Variants in ALOX12B observed in about 807,000 individuals in gnomAD.
ALOX12B encodes the protein arachidonate 12-lipoxygenase, 12R-type.
In ALOX12B, 47 loss-of-function variants were observed where a neutral mutation model predicts 78.9. The observed-to-expected ratio is 0.60, with a 90% confidence interval of 0.47 to 0.76. The LOEUF is 0.76. Ranked by LOEUF, ALOX12B falls within the 30% of genes least tolerant of loss-of-function variation. ALOX12B has a pLI of 0.00. For missense variants in ALOX12B, 805 were observed against 922.6 expected (o/e 0.87, Z 1.65); for synonymous variants, 370 against 374.5 (o/e 0.99, Z 0.14).
In ALOX12B at chr17:8,080,410, C is replaced by A; in HGVS notation, c.651-72G>T. ...CGCCGGCTGGGGCAGGTGGCGGGGC[C>A]GCCCCATCCACTTAGGTCTCTGGGT... On this transcript the variant is annotated intron_variant, in intron 5 of 14. Transcript: ENST00000647874. The surrounding 1 kb of genome is among the most constrained non-coding windows in gnomAD (Gnocchi z 4.8). The A allele has an allele frequency of 1.3e-6, 2 of 1,537,490 alleles. No individual in the cohort carries two copies. The highest frequency in any genetic ancestry group is 1.8e-6 in the Non-Finnish European group (2 of 1,110,714).
chr17:8,086,636 A>G (rs1036065114), intron 1 of ALOX12B, among the ~76,000 whole-genome samples: 2 of 152,212 alleles, frequency 1.3e-5, no homozygotes, highest in Non-Finnish European at 2.9e-5. Context: ...CCACATAGAT[A>G]GAGTGACCTA....
In ALOX12B at chr17:8,080,941, A is replaced by C; in HGVS notation, c.470T>G (p.Val157Gly). ...RVFLPGLPSY[V>G]HIPSYRPPVR... is the part of the protein sequence containing the mutation. ...CGGAGGGCGGTAACTGGGAATGTGC[A>C]CATAGCTGGGCAGGCCAGGAAGAAA... The change falls in exon 4 of 15, where the codon GTG (valine) becomes GGG (glycine). Residue 157 changes from valine to glycine, a missense_variant. Transcript: ENST00000647874. This position sits in a 1 kb window ranked among gnomAD's most constrained non-coding sequence, Gnocchi z 4.8. 6.2e-7 allele frequency: 1 copy of C among 1,613,890 alleles called. No homozygotes were observed. The highest frequency in any genetic ancestry group is 8.5e-7 in the Non-Finnish European group (1 of 1,180,008).
At position 8,080,316 on chromosome 17, in the gene ALOX12B, C is replaced by T. The variant is rs780587561; in HGVS notation, c.673G>A (p.Gly225Ser). The T allele has an allele frequency of 2.5e-6, 4 of 1,614,184 alleles. No homozygotes were observed. The highest frequency in any genetic ancestry group is 3.3e-5 in the Admixed American group (2 of 60,028). The change falls in exon 6 of 15, where the codon GGC becomes AGC. Residue 225 changes from glycine to serine, a missense_variant. Gly to Ser is a moderately conservative substitution (Grantham distance 56). Transcript: ENST00000647874. This position sits in a 1 kb window ranked among gnomAD's most constrained non-coding sequence, Gnocchi z 4.8. ...CACGAATGTTTGCAGTCCAACAGGC[C>T]GCGGACTTTGAAAGCCAGTGCCCTA... ...GPMALAFKVRGLLDCKHSWKR... is the reference protein window; with the variant it reads ...GPMALAFKVRSLLDCKHSWKR...
chr17:8,078,525 CTT>C (rs1977137287), intron 8 of ALOX12B, among the ~76,000 whole-genome samples: 1 of 151,870 alleles, frequency 6.6e-6, no homozygotes, highest in African/African-American at 2.4e-5. Context: ...AGTCCCAGCA[CTT>C]TGGGAGGCTG....
intron 12 of ALOX12B, among the ~76,000 whole-genome samples, chr17:8,074,862 T>C (rs776347038): frequency 6.6e-6 from 1 of 152,208 alleles, no homozygotes; most frequent in Non-Finnish European, 1.5e-5. Context: ...ACTGCTCCCA[T>C]GCGGAACTCT....
At position 8,073,292 on chromosome 17, in the gene ALOX12B, G is replaced by T. The variant is rs765413716; in HGVS notation, c.1782C>A (p.Asn594Lys). ...GQMEFTAWMP[N>K]FPASMRNPPI... is the part of the protein sequence containing the mutation. ...GTGGATTCCGCATGGACGCTGGGAAGTTGGGCATCCAGGCGGTGAACTCCA... is the reference window on the plus strand; with the variant it reads ...GTGGATTCCGCATGGACGCTGGGAATTTGGGCATCCAGGCGGTGAACTCCA... Residue 594 changes from asparagine to lysine, a missense_variant, in exon 14 of 15, where the codon AAC becomes AAA. Coordinates refer to ENST00000647874, the MANE Select transcript of ALOX12B (RefSeq NM_001139.3). 6.8e-6 allele frequency: 11 copies of T among 1,614,108 alleles called. No individual in the cohort carries two copies. Among genetic ancestry groups the T allele is most frequent in the Non-Finnish European group, 7.6e-6 (9 of 1,180,054 alleles).
chr17:8,075,987 A>G (rs1977071971), intron 11 of ALOX12B, among the ~76,000 whole-genome samples, 188 bp downstream of exon 11: 1 of 152,140 alleles, frequency 6.6e-6, no homozygotes. Flanking sequence ...CTGGGGACCC[A>G]AGCAAGGAAG....
At chr17:8,081,050 C>G in intron 3 of ALOX12B, 56 bp downstream of exon 3, 2 of 1,612,610 alleles carry the variant, frequency 1.2e-6, no homozygotes, top group Non-Finnish European at 1.7e-6. Flanking sequence ...CCATCACTGC[C>G]CCCCACCTCC....
chr17:8,086,231 T>G lies in ALOX12B; in HGVS notation c.148-11A>C. 6.2e-7 allele frequency: 1 copy of G among 1,613,428 alleles called. No individual in the cohort carries two copies. The highest frequency in any genetic ancestry group is 8.5e-7 in the Non-Finnish European group (1 of 1,179,784). On this transcript the variant is annotated splice_polypyrimidine_tract_variant and intron_variant, in intron 1 of 14. Coordinates refer to ENST00000647874, the MANE Select transcript of ALOX12B (RefSeq NM_001139.3). ...GGTGTACTGGCCCACCTAGGCAGGA[T>G]GCAAGCCTGGCTGAGTGGGCAGGAC...
chr17:8,080,060 A>C lies in ALOX12B; in HGVS notation c.755-119T>G, dbSNP rs142227140. 2.8e-5 allele frequency: 42 copies of C among 1,513,740 alleles called. No individual in the cohort carries two copies. The Middle Eastern group carries it at 3.2e-3, about 117-fold the overall frequency. The allele number at this position is 1,513,740 out of a possible 1,614,324, so 93.8% of individuals were successfully genotyped here. A position where few individuals can be genotyped will look rare whatever the true frequency, so the allele number is the denominator to read the frequency against. ...AGTCGGGGAGGAAAACGAGGCCCCCAGCCTGGCGCTGAGCGGCCGGAGGAG... is the reference window on the plus strand; with the variant it reads ...AGTCGGGGAGGAAAACGAGGCCCCCCGCCTGGCGCTGAGCGGCCGGAGGAG... On this transcript the variant is annotated intron_variant, in intron 6 of 14. Coordinates refer to ENST00000647874, the MANE Select transcript of ALOX12B (RefSeq NM_001139.3). The surrounding 1 kb of genome is among the most constrained non-coding windows in gnomAD (Gnocchi z 4.8).
rs760407503 is a variant in ALOX12B, at chr17:8,076,332, C to A, written c.1375G>T (p.Gly459Cys). Residue 459 changes from glycine (G) to cysteine (C), a missense_variant, in exon 11 of 15, where the codon GGC (glycine) becomes TGC (cysteine). By Grantham distance (159) the Gly-to-Cys change is radical. Coordinates refer to ENST00000647874, the MANE Select transcript of ALOX12B (RefSeq NM_001139.3). ...ATCACCCCAGCAAAGCCTTCCACGC[C>A]CAGGGACATGCCCTGTGAGGAAGGA... is the stretch of plus-strand genomic sequence containing the variant. ...GGLSAKGMSL[G>C]VEGFAGVMVR... 4.4e-6 allele frequency: 7 copies of A among 1,604,874 alleles called. No individual in the cohort carries two copies. The highest frequency in any genetic ancestry group is 6.0e-6 in the Non-Finnish European group (7 of 1,175,578).
rs754900276 is a variant in ALOX12B at position 8,079,812 on chromosome 17, G to A, written c.884C>T (p.Ala295Val). ...DKFPVTDDMVAPFLGEGTCLQ... is the reference protein window; with the variant it reads ...DKFPVTDDMVVPFLGEGTCLQ... ...GCACGTTCCCTCGCCCAGGAACGGA[G>A]CCACCATGTCGTCTGTGACGGGGAA... is the stretch of plus-strand genomic sequence containing the variant. Residue 295 changes from alanine (A) to valine (V), a missense_variant, in exon 7 of 15, where the codon GCT (alanine) becomes GTT (valine). Coordinates refer to ENST00000647874, the MANE Select transcript of ALOX12B (RefSeq NM_001139.3). This position sits in a 1 kb window ranked among gnomAD's most constrained non-coding sequence, Gnocchi z 6.4. 6 of 1,613,348 alleles carry A rather than the reference G, an allele frequency of 3.7e-6. No homozygotes were observed. The South Asian group carries it at 5.5e-5, about 15-fold the overall frequency.
Position 8,076,748 on chromosome 17 carries a change from G to T in ALOX12B, c.1276-5C>A. The T allele has an allele frequency of 1.3e-6, 2 of 1,550,084 alleles. No individual in the cohort carries two copies. Among genetic ancestry groups the T allele is most frequent in the East Asian group, 4.9e-5 (2 of 40,926 alleles). ...TCGGGTATGGGGGATGAGGAGCTGT[G>T]GGGAGAGCAAGGAGGATGAAGAGAG... On this transcript the variant is annotated splice_region_variant and splice_polypyrimidine_tract_variant and intron_variant, in intron 9 of 14. Coordinates refer to ENST00000647874, the MANE Select transcript of ALOX12B (RefSeq NM_001139.3).
chr17:8,076,670 C>T lies in ALOX12B; in HGVS notation c.1349G>A (p.Gly450Glu), dbSNP rs772257172. The change falls in exon 10 of 15, where the codon GGG becomes GAG. Residue 450 changes from glycine to glutamate, a missense_variant. Gly to Glu is a moderately conservative substitution (Grantham distance 98). Coordinates refer to ENST00000647874, the MANE Select transcript of ALOX12B (RefSeq NM_001139.3). ...CAGAAGTCTTACCTTGGCAGAGAGC[C>T]CCCCCTCATTGAGGAGAACGGCCCG... Reference protein sequence around the residue: ...IGRAVLLNEGGLSAKGMSLGV... With the variant: ...IGRAVLLNEGELSAKGMSLGV... 9.0e-6 allele frequency: 14 copies of T among 1,551,262 alleles called. No homozygotes were observed. The highest frequency in any genetic ancestry group is 1.2e-5 in the Non-Finnish European group (14 of 1,146,996).
At chr17:8,083,458 C>T (rs1978289696) in intron 2 of ALOX12B, among the ~76,000 whole-genome samples, 1 of 152,150 alleles carries the variant, frequency 6.6e-6, no homozygotes, top group Non-Finnish European at 1.5e-5. Context: ...AGGCCAGGTG[C>T]GGTGGTTCAC....
rs3027305 is a variant in ALOX12B at position 8,086,383 on chromosome 17, T to C, written c.148-163A>G. ...TTGACCTGATCATTGAGCTTCCTTCTGACTTCTCCAGCTTGGGGGTCTCCT... is the reference window on the plus strand; with the variant it reads ...TTGACCTGATCATTGAGCTTCCTTCCGACTTCTCCAGCTTGGGGGTCTCCT... On this transcript the variant is annotated intron_variant, in intron 1 of 14. Coordinates refer to ENST00000647874, the MANE Select transcript of ALOX12B (RefSeq NM_001139.3). Among the ~76,000 whole-genome samples, 477 of 152,262 alleles carry C rather than the reference T, an allele frequency of 3.1e-3. 7 individuals carry two copies. Among genetic ancestry groups the C allele is most frequent in the South Asian group, 0.028 (137 of 4,812 alleles).
chr17:8,079,817 C>G lies in ALOX12B; in HGVS notation c.879G>C (p.Met293Ile), dbSNP rs774652987. The G allele has an allele frequency of 1.1e-5, 17 of 1,613,524 alleles. No homozygotes were observed. The highest frequency in any genetic ancestry group is 1.4e-5 in the Non-Finnish European group (17 of 1,179,948). ...TTCCCTCGCCCAGGAACGGAGCCACCATGTCGTCTGTGACGGGGAACTTGT... is the reference window on the plus strand; with the variant it reads ...TTCCCTCGCCCAGGAACGGAGCCACGATGTCGTCTGTGACGGGGAACTTGT... ...IPDKFPVTDD[M>I]VAPFLGEGTC... Residue 293 changes from methionine to isoleucine, a missense_variant, in exon 7 of 15, where the codon ATG (methionine) becomes ATC (isoleucine). Coordinates refer to ENST00000647874, the MANE Select transcript of ALOX12B (RefSeq NM_001139.3). The surrounding 1 kb of genome is among the most constrained non-coding windows in gnomAD (Gnocchi z 6.4).
At chr17:8,081,918 T>C (rs1977225637) in intron 2 of ALOX12B, among the ~76,000 whole-genome samples, 1 of 152,110 alleles carries the variant, frequency 6.6e-6, no homozygotes, top group Non-Finnish European at 1.5e-5. Context: ...GCTGGGATTA[T>C]AGGTGTGAGC....
Position 8,081,114 on chromosome 17 carries a change from G to A in ALOX12B, c.426C>T (p.Asp142=). The A allele has an allele frequency of 6.2e-7, 1 of 1,613,810 alleles. No homozygotes were observed. The highest frequency in any genetic ancestry group is 8.5e-7 in the Non-Finnish European group (1 of 1,180,002). Residue 142 remains aspartate (D), a synonymous_variant, in exon 3 of 15, where the codon GAC becomes GAT. Transcript: ENST00000647874. ...HRKEEIRAKQ[D]FYHWRVFLPG... is the part of the protein sequence containing the mutation. ...GCCACCCGCCCCCTCACTGGTAGAA[G>A]TCCTGCTTGGCTCTGATCTCCTCTT...
Sources: gnomAD v4.1 joint callset for allele counts (sites outside exome capture counted in the v4.1 genomes callset) on GRCh38, gnomAD v4.1.1 for gene constraint, Gnocchi (gnomAD v3.1) non-coding constraint, MANE v1.5 for transcripts, NCBI Gene and HGNC (gene_info 2026-07-23, HGNC 2026-07-21) for gene names.